Variants in RNF2 observed in about 807,000 individuals in gnomAD.
The protein encoded by RNF2 is ring finger protein 2.
Under a neutral mutation model 37.2 loss-of-function variants are expected in RNF2, and 6 were observed. The observed-to-expected ratio is 0.16, with a 90% CI of 0.09 to 0.32. RNF2 has a LOEUF of 0.32. Ranked by LOEUF, RNF2 falls within the 10% of genes least tolerant of loss-of-function variation. The probability of loss-of-function intolerance (pLI) is 1.00; values close to 1 mark genes in which losing one functional copy is unlikely to be tolerated. For missense variants in RNF2, 251 were observed against 404.0 expected, an observed-to-expected ratio of 0.62 and a Z score of 3.25; for synonymous variants, 133 against 132.7, an observed-to-expected ratio of 1.00 and a Z score of -0.02.
chr1:185,051,351 G>A (rs920859669), intron 1 of RNF2, among the ~76,000 whole-genome samples: 1 of 152,072 alleles, frequency 6.6e-6, no homozygotes, highest in Non-Finnish European at 1.5e-5. Context: ...TTGGTTTCTA[G>A]GTCTGGTTCC....
At chr1:185,047,442 T>G (rs1650151686) in intron 1 of RNF2, among the ~76,000 whole-genome samples, 1 of 152,226 alleles carries the variant, frequency 6.6e-6, no homozygotes, top group Non-Finnish European at 1.5e-5. Flanking sequence ...GCAAACATGT[T>G]TGGAATTTTA....
intron 1 of RNF2, among the ~76,000 whole-genome samples, chr1:185,054,558 C>T (rs1288189081): frequency 1.3e-5 from 2 of 152,218 alleles, no homozygotes; most frequent in East Asian, 1.9e-4. Context: ...GAGCGGGTTC[C>T]TCAGCTCTGA....
chr1:185,075,885 A>G (rs1486647081), intron 1 of RNF2, among the ~76,000 whole-genome samples: 1 of 152,226 alleles, frequency 6.6e-6, no homozygotes, highest in Non-Finnish European at 1.5e-5. Flanking sequence ...ATCTTTGTCA[A>G]TATCACAGAC....
At chr1:185,082,755 G>A (rs1192410357) in intron 1 of RNF2, among the ~76,000 whole-genome samples, 1 of 152,080 alleles carries the variant, frequency 6.6e-6, no homozygotes, top group African/African-American at 2.4e-5. Flanking sequence ...ACTGCTTTAC[G>A]AACCATTTTG....
intron 1 of RNF2, among the ~76,000 whole-genome samples, chr1:185,068,020 T>A (rs1335683885): frequency 3.7e-5 from 5 of 134,314 alleles, no homozygotes; most frequent in African/African-American, 5.7e-5. Context: ...TTTTTTTTTT[T>A]AGAGACAGAG....
At chr1:185,090,651 C>T (rs867922023) in intron 2 of RNF2, among the ~76,000 whole-genome samples, 6 of 152,138 alleles carry the variant, frequency 3.9e-5, no homozygotes, top group African/African-American at 1.4e-4. Flanking sequence ...ACAGGAAGCA[C>T]GGGAGCGTAT....
At chr1:185,070,916 C>T (rs934525786) in intron 1 of RNF2, among the ~76,000 whole-genome samples, 2 of 152,118 alleles carry the variant, frequency 1.3e-5, no homozygotes, top group South Asian at 2.1e-4. Context: ...GGATTACAGG[C>T]GTGAGCCACT....
At chr1:185,093,324 TTATTAAC>T in intron 4 of RNF2, 48 bp downstream of exon 4, 1 of 1,521,186 alleles carries the variant, frequency 6.6e-7, no homozygotes, top group Admixed American at 1.7e-5. Context: ...TCTGAATACT[TTATTAAC>T]AATTAAATTT....
chr1:185,045,999 C>A (rs1237964104), intron 1 of RNF2: 1 of 151,844 alleles, frequency 6.6e-6, no homozygotes, highest in Non-Finnish European at 1.5e-5. Context: ...GTCCCCTCGC[C>A]TCCGGGGGCG....
intron 5 of RNF2, among the ~76,000 whole-genome samples, chr1:185,099,267 C>T (rs1652008159): frequency 6.6e-6 from 1 of 152,052 alleles, no homozygotes; most frequent in African/African-American, 2.4e-5. Flanking sequence ...AGGCTGGTCT[C>T]GAACTCCTGA....
chr1:185,047,327 A>C (rs1571287244), intron 1 of RNF2, among the ~76,000 whole-genome samples: 1 of 152,256 alleles, frequency 6.6e-6, no homozygotes, highest in Non-Finnish European at 1.5e-5. Flanking sequence ...ACAATCACTA[A>C]CATAATGTAG....
chr1:185,097,763 C>A (rs1458636589), intron 4 of RNF2, among the ~76,000 whole-genome samples: 2 of 152,226 alleles, frequency 1.3e-5, no homozygotes, highest in Non-Finnish European at 2.9e-5. Flanking sequence ...TCTCAAATTC[C>A]TGGCCTCAAG....
At chr1:185,082,257 C>A (rs888679126) in intron 1 of RNF2, among the ~76,000 whole-genome samples, 11 of 150,732 alleles carry the variant, frequency 7.3e-5, no homozygotes, top group Middle Eastern at 3.5e-3. Flanking sequence ...GGATCAGCTT[C>A]TATGATTGTC....
At chr1:185,061,253 G>A (rs12030761) in intron 1 of RNF2, among the ~76,000 whole-genome samples, 22,212 of 150,654 alleles carry the variant, frequency 0.15, 1,871 homozygotes, top group East Asian at 0.26. Context: ...TCAGCCTCCC[G>A]AGTAGCTGGG....
intron 1 of RNF2, among the ~76,000 whole-genome samples, chr1:185,053,229 T>G (rs539395670): frequency 9.8e-5 from 15 of 152,292 alleles, no homozygotes; most frequent in African/African-American, 3.6e-4. Flanking sequence ...CCCTTCATAG[T>G]CTCCCCACAT....
chr1:185,092,469 C>G (rs757343045), intron 3 of RNF2, among the ~76,000 whole-genome samples: 2 of 152,200 alleles, frequency 1.3e-5, no homozygotes, highest in Non-Finnish European at 2.9e-5. Flanking sequence ...GCCACCGTGC[C>G]TAGCCGAGAA....
At chr1:185,084,969 A>AT (rs1227350722) in intron 1 of RNF2, among the ~76,000 whole-genome samples, 2 of 151,572 alleles carry the variant, frequency 1.3e-5, no homozygotes, top group Non-Finnish European at 2.9e-5. Flanking sequence ...AGGTGTGGGA[A>AT]TTTTTTTTGC....
intron 1 of RNF2, among the ~76,000 whole-genome samples, chr1:185,085,298 G>A (rs1470757350): frequency 6.6e-6 from 1 of 151,324 alleles, no homozygotes; most frequent in Non-Finnish European, 1.5e-5. Context: ...ACAGGCGCCC[G>A]CCACCGTGCC....
intron 1 of RNF2, among the ~76,000 whole-genome samples, chr1:185,087,336 C>T (rs903422895): frequency 6.6e-6 from 1 of 152,106 alleles, no homozygotes; most frequent in Non-Finnish European, 1.5e-5. Flanking sequence ...GCTGGAAGGG[C>T]CAAAAGTTTC....
Sources: gnomAD v4.1 joint callset for allele counts (sites outside exome capture counted in the v4.1 genomes callset) on GRCh38, gnomAD v4.1.1 for gene constraint, MANE v1.5 for transcripts, NCBI Gene and HGNC (gene_info 2026-07-23, HGNC 2026-07-21) for gene names.